EPHA6: variants seen among roughly 807,000 people sequenced by gnomAD.
EPHA6 encodes ephrin type-A receptor 6.
A neutral mutation model predicts 112.0 loss-of-function variants in EPHA6; 50 were observed. That is an observed-to-expected ratio of 0.45 (90% CI 0.36 to 0.56). The LOEUF (loss-of-function observed/expected upper bound fraction) is 0.56. Ranked by LOEUF, EPHA6 falls within the 20% of genes least tolerant of loss-of-function variation. The pLI, the probability that EPHA6 is intolerant of heterozygous loss-of-function variation, is 0.00. For synonymous variants in EPHA6, 529 were observed against 490.7 expected (o/e 1.08, Z -1.03); for missense variants, 1,280 against 1,417.4 (o/e 0.90, Z 1.56).
At chr3:97,163,695 T>C (rs1418694377) in intron 3 of EPHA6, among the ~76,000 whole-genome samples, 1 of 152,116 alleles carries the variant, frequency 6.6e-6, no homozygotes, top group East Asian at 1.9e-4. Flanking sequence ...TAAGGCTAAT[T>C]CCCTGAGATG....
intron 8 of EPHA6, among the ~76,000 whole-genome samples, chr3:97,476,729 T>G (rs1436261705): frequency 1.3e-5 from 2 of 152,228 alleles, no homozygotes; most frequent in East Asian, 3.9e-4. Context: ...AACCTCCTTT[T>G]ATAGAATTTA....
intron 3 of EPHA6, among the ~76,000 whole-genome samples, chr3:97,008,086 A>G (rs556992929): frequency 3.9e-5 from 6 of 152,160 alleles, no homozygotes; most frequent in Admixed American, 3.9e-4. Flanking sequence ...TGTGTCTTGC[A>G]GATTATGTTC....
At position 97,314,764 on chromosome 3, in the gene EPHA6, G is replaced by A. The variant is rs189078944; in HGVS notation, c.1606+70477G>A. 2.5e-3 allele frequency among the ~76,000 whole-genome samples: 374 copies of A among 151,724 alleles called. 1 individual carries two copies. Among genetic ancestry groups the A allele is most frequent in the African/African-American group, 8.1e-3 (338 of 41,518 alleles). ...TAGGAAGGAAGATAGAAGTTAAGTTGAAGATGGTCAAAATTAGATAATGAA... is the reference window on the plus strand; with the variant it reads ...TAGGAAGGAAGATAGAAGTTAAGTTAAAGATGGTCAAAATTAGATAATGAA... On this transcript the variant is annotated intron_variant, in intron 5 of 17. Transcript: ENST00000389672.
At chr3:97,578,919 A>G (rs2093412621) in intron 11 of EPHA6, among the ~76,000 whole-genome samples, 1 of 152,216 alleles carries the variant, frequency 6.6e-6, no homozygotes, top group Non-Finnish European at 1.5e-5. Flanking sequence ...ACACACATGA[A>G]TGCTTGCCCT....
At chr3:97,462,440 T>C (rs1281684363) in intron 7 of EPHA6, among the ~76,000 whole-genome samples, 1 of 152,124 alleles carries the variant, frequency 6.6e-6, no homozygotes, top group Non-Finnish European at 1.5e-5. Flanking sequence ...AGACCTTTTG[T>C]AGGACAGCCT....
chr3:97,155,199 A>T (rs888667173), intron 3 of EPHA6, among the ~76,000 whole-genome samples: 2 of 152,196 alleles, frequency 1.3e-5, no homozygotes, highest in African/African-American at 4.8e-5. Context: ...GAAAATTTCA[A>T]CATTTAATGT....
At chr3:97,588,659 G>C (rs1281310720) in intron 11 of EPHA6, among the ~76,000 whole-genome samples, 1 of 152,108 alleles carries the variant, frequency 6.6e-6, no homozygotes, top group Non-Finnish European at 1.5e-5. Flanking sequence ...GAAACACTAA[G>C]ACTGCTAAAT....
intron 10 of EPHA6, among the ~76,000 whole-genome samples, chr3:97,522,530 C>T (rs2092559714): frequency 6.6e-6 from 1 of 152,058 alleles, no homozygotes; most frequent in South Asian, 2.1e-4. Context: ...TTGTTCTTGT[C>T]TGGCTTCAGT....
At chr3:97,150,161 T>A (rs1405010357) in intron 3 of EPHA6, among the ~76,000 whole-genome samples, 1 of 151,894 alleles carries the variant, frequency 6.6e-6, no homozygotes, top group African/African-American at 2.4e-5. Context: ...AGTTAAAAAA[T>A]TGATCTTCAG....
intron 4 of EPHA6, among the ~76,000 whole-genome samples, chr3:97,238,897 T>C (rs1248264876): frequency 1.3e-5 from 2 of 151,936 alleles, no homozygotes; most frequent in Admixed American, 1.3e-4. Context: ...CTGAGAAGTT[T>C]AGGTTTTATT....
chr3:97,239,791 T>C (rs1227459095), intron 4 of EPHA6, among the ~76,000 whole-genome samples: 1 of 151,714 alleles, frequency 6.6e-6, no homozygotes, highest in Non-Finnish European at 1.5e-5. Context: ...GGTTTAACTT[T>C]TATTGAAAAA....
chr3:97,234,274 T>C (rs1379160035), intron 4 of EPHA6, among the ~76,000 whole-genome samples: 2 of 152,184 alleles, frequency 1.3e-5, no homozygotes, highest in East Asian at 3.9e-4. Context: ...TTCTGCTAAC[T>C]CCTTCCTTAG....
At chr3:96,854,849 T>G (rs1414841343) in intron 1 of EPHA6, among the ~76,000 whole-genome samples, 1 of 152,180 alleles carries the variant, frequency 6.6e-6, no homozygotes, top group Non-Finnish European at 1.5e-5. Context: ...GAAGGTGATT[T>G]AAAAACCTTA....
chr3:97,288,924 A>ATTTTTTT (rs374397667), intron 5 of EPHA6, among the ~76,000 whole-genome samples: 1 of 111,280 alleles, frequency 9.0e-6, no homozygotes, highest in Admixed American at 9.9e-5. Context: ...TTTAATGGGG[A>ATTTTTTT]TTTTTTTTTT....
intron 3 of EPHA6, among the ~76,000 whole-genome samples, chr3:97,149,264 C>T (rs2076113543): frequency 6.6e-6 from 1 of 152,070 alleles, no homozygotes; most frequent in African/African-American, 2.4e-5. Context: ...CCAAGTCAAT[C>T]GGAAACTCTG....
At chr3:97,410,790 C>T (rs2087662063) in intron 6 of EPHA6, among the ~76,000 whole-genome samples, 1 of 152,004 alleles carries the variant, frequency 6.6e-6, no homozygotes, top group Non-Finnish European at 1.5e-5. Flanking sequence ...TCTCTAGAAG[C>T]CCTACTTTTC....
rs748835784 is a variant in EPHA6, at chr3:97,749,319, A to C, written c.*618A>C. On this transcript the variant is annotated 3_prime_UTR_variant, in exon 18 of 18. Coordinates refer to ENST00000389672, the MANE Select transcript of EPHA6 (RefSeq NM_001080448.3). ...GGGGTTATTAGGGAGGGAGAAAAAA[A>C]TACTGTGTTTATAAATCTTCTGAGG... The C allele has an allele frequency of 4.7e-6, 1 of 214,862 alleles. No individual in the cohort carries two copies. The highest frequency in any genetic ancestry group is 9.4e-6 in the Non-Finnish European group (1 of 106,474). 13.3% of individuals were successfully genotyped at this position (214,862 alleles called of 1,614,324 possible).
intron 2 of EPHA6, among the ~76,000 whole-genome samples, chr3:96,974,047 A>T (rs1302771784): frequency 1.4e-5 from 2 of 145,874 alleles, no homozygotes; most frequent in African/African-American, 4.9e-5. Flanking sequence ...TACAATAAAT[A>T]TATATAATAA....
At chr3:96,859,937 TC>T (rs1490043563) in intron 1 of EPHA6, among the ~76,000 whole-genome samples, 12 of 152,272 alleles carry the variant, frequency 7.9e-5, no homozygotes, top group Middle Eastern at 6.8e-3. Flanking sequence ...GGCATTTTAA[TC>T]TGTTCTGCTA....
Sources: gnomAD v4.1 joint callset for allele counts (sites outside exome capture counted in the v4.1 genomes callset) on GRCh38, gnomAD v4.1.1 for gene constraint, MANE v1.5 for transcripts, NCBI Gene and HGNC (gene_info 2026-07-23, HGNC 2026-07-21) for gene names.